ADGB: variants seen among roughly 807,000 people sequenced by gnomAD.
ADGB encodes calpain-7-like protein.
In ADGB, 172 loss-of-function variants were observed where a neutral mutation model predicts 210.5. The observed-to-expected ratio is 0.82, with a 90% CI of 0.72 to 0.93. The LOEUF (loss-of-function observed/expected upper bound fraction) is 0.93, where lower values mean the gene tolerates loss of function less well. Ranked by LOEUF, ADGB falls within the 40% of genes least tolerant of loss-of-function variation. The probability of loss-of-function intolerance (pLI) is 0.00; values close to 1 mark genes in which losing one functional copy is unlikely to be tolerated. For synonymous variants in ADGB, 658 were observed against 662.7 expected (o/e 0.99, Z 0.11); for missense variants, 2,025 against 1,964.8 (o/e 1.03, Z -0.58).
chr6:146,704,302 T>A lies in ADGB; in HGVS notation c.1707+3232T>A, dbSNP rs1010114574. ...CCTTTTCTGTGCAAAAAAAAAAAAA[T>A]TTAGTTTGATGTAATTCCTTCTGTC... is the stretch of plus-strand genomic sequence containing the variant. On this transcript the variant is annotated intron_variant, in intron 13 of 35. Coordinates refer to ENST00000397944, the MANE Select transcript of ADGB (RefSeq NM_024694.4). Among the ~76,000 whole-genome samples the A allele has an allele frequency of 2.6e-3, 400 of 151,216 alleles. 1 individual carries two copies. Among genetic ancestry groups the A allele is most frequent in the Non-Finnish European group, 3.6e-3 (242 of 67,620 alleles).
intron 7 of ADGB, among the ~76,000 whole-genome samples, chr6:146,669,645 T>C (rs1775979982): frequency 1.3e-5 from 2 of 152,072 alleles, no homozygotes; most frequent in Admixed American, 1.3e-4. Flanking sequence ...TATTTTCTGC[T>C]CTTTCTCAGG....
At chr6:146,599,191 T>A in intron 1 of ADGB, 77 bp downstream of exon 1, 1 of 1,332,368 alleles carries the variant, frequency 7.5e-7, no homozygotes, top group Non-Finnish European at 1.1e-6. Context: ...GCTGCCTCCC[T>A]GCAGCAAACT....
chr6:146,792,727 A>T (rs12528445), intron 33 of ADGB, among the ~76,000 whole-genome samples: 23,121 of 152,160 alleles, frequency 0.15, 2,216 homozygotes, highest in Admixed American at 0.28. Context: ...AGAAATAAGA[A>T]CAGGGAGGAA....
chr6:146,709,426 G>A (rs1482549310), intron 13 of ADGB, among the ~76,000 whole-genome samples: 1 of 152,174 alleles, frequency 6.6e-6, no homozygotes, highest in Non-Finnish European at 1.5e-5. Context: ...CCACAGGCAG[G>A]TTTGTTACTG....
rs1308355770 is a variant in ADGB at position 146,781,885 on chromosome 6, T to A, written c.3863-135T>A. The A allele has an allele frequency of 1.7e-4, 105 of 608,156 alleles. 1 individual carries two copies. The East Asian group carries it at 3.3e-3, about 19-fold the overall frequency. The allele number at this position is 608,156 out of a possible 1,614,324, so 37.7% of individuals were successfully genotyped here. On this transcript the variant is annotated intron_variant, in intron 29 of 35. Transcript: ENST00000397944. The stretch of plus-strand genomic sequence containing the variant: ...TGAAAACGAGTCCAACAGGCCTTTA[T>A]AAAAATCTGTGTGATTGAAAAAATA...
At chr6:146,769,560 C>G (rs1156444939) in intron 29 of ADGB, among the ~76,000 whole-genome samples, 1 of 152,044 alleles carries the variant, frequency 6.6e-6, no homozygotes, top group Non-Finnish European at 1.5e-5. Flanking sequence ...AAAGAGTACT[C>G]TGGTTTATTT....
intron 1 of ADGB, among the ~76,000 whole-genome samples, chr6:146,627,091 T>G (rs1780984170): frequency 1.3e-5 from 2 of 152,252 alleles, no homozygotes; most frequent in South Asian, 4.1e-4. Context: ...TTATCTTCCT[T>G]GTCTCTACTT....
In ADGB at chr6:146,659,324, T is replaced by C. The variant is rs1775824538; in HGVS notation, c.612+2344T>C. Among the ~76,000 whole-genome samples the C allele has an allele frequency of 2.0e-5, 3 of 152,334 alleles. No homozygotes were observed. In the South Asian group the frequency reaches 6.2e-4, roughly 32 times the overall value. ...CAGTACAATACACTACAGATTCATC[T>C]TATACCCTACATTTATTTTCTTTCC... On this transcript the variant is annotated intron_variant, in intron 5 of 35. Coordinates refer to ENST00000397944, the MANE Select transcript of ADGB (RefSeq NM_024694.4).
In ADGB at chr6:146,714,168, T is replaced by C. The variant is rs545291338; in HGVS notation, c.1708-1214T>C. On this transcript the variant is annotated intron_variant, in intron 13 of 35. Coordinates refer to ENST00000397944, the MANE Select transcript of ADGB (RefSeq NM_024694.4). ...GCCAGTACTTTGTTGTACATATATATTTAAGAAATTTAAGGCACCAAAGAG... is the reference window on the plus strand; with the variant it reads ...GCCAGTACTTTGTTGTACATATATACTTAAGAAATTTAAGGCACCAAAGAG... Among the ~76,000 whole-genome samples the C allele has an allele frequency of 7.9e-5, 12 of 152,324 alleles. No homozygotes were observed. The East Asian group carries it at 1.9e-3, about 25-fold the overall frequency.
intron 12 of ADGB, among the ~76,000 whole-genome samples, chr6:146,694,485 T>G (rs2114926145): frequency 6.6e-6 from 1 of 152,290 alleles, no homozygotes; most frequent in South Asian, 2.1e-4. Flanking sequence ...TACCATTATT[T>G]CAGGGTTTAG....
rs1316955109 is a variant in ADGB at position 146,788,370 on chromosome 6, T to C, written c.4316-19T>C. The stretch of plus-strand genomic sequence containing the variant: ...CATGGAACGCCAGCTTTTTCAGTAA[T>C]GCACATGTCATGTTGTAGTAGAAAC... On this transcript the variant is annotated intron_variant, in intron 32 of 35. Transcript: ENST00000397944. 1 of 1,547,704 alleles carries C rather than the reference T, an allele frequency of 6.5e-7. No individual in the cohort carries two copies. Among genetic ancestry groups the C allele is most frequent in the Non-Finnish European group, 8.7e-7 (1 of 1,143,392 alleles).
In ADGB at chr6:146,733,914, A is replaced by G; in HGVS notation, c.2678A>G (p.Tyr893Cys). The G allele has an allele frequency of 2.6e-6, 4 of 1,551,638 alleles. No individual in the cohort carries two copies. The highest frequency in any genetic ancestry group is 3.5e-6 in the Non-Finnish European group (4 of 1,146,944). Residue 893 changes from tyrosine (Y) to cysteine (C), a missense_variant, in exon 22 of 36, where the codon TAT (tyrosine) becomes TGT (cysteine). Transcript: ENST00000397944. ...CCAGTGGAATGGCTGGACGTTAAAT[A>G]TTGTATGCCCACAAGTGATAAAGAG... ...VSLVEWLDVK[Y>C]CMPTSDKEYS...
At chr6:146,755,593 T>C (rs1478980883) in intron 27 of ADGB, among the ~76,000 whole-genome samples, 1 of 152,114 alleles carries the variant, frequency 6.6e-6, no homozygotes, top group African/African-American at 2.4e-5. Flanking sequence ...CATGCGGAAC[T>C]GTGTGTTAAT....
chr6:146,772,958 T>C (rs191784172), intron 29 of ADGB, among the ~76,000 whole-genome samples: 11 of 152,260 alleles, frequency 7.2e-5, no homozygotes, highest in South Asian at 2.1e-4. Flanking sequence ...GAGCCAGTGC[T>C]GGACTCACAT....
At chr6:146,625,530 A>G (rs1023697449) in intron 1 of ADGB, among the ~76,000 whole-genome samples, 2 of 152,076 alleles carry the variant, frequency 1.3e-5, no homozygotes, top group Non-Finnish European at 2.9e-5. Context: ...TGTTTGGGTC[A>G]TGGGAGTGGG....
At chr6:146,713,837 A>G (rs1476366139) in intron 13 of ADGB, among the ~76,000 whole-genome samples, 1 of 152,032 alleles carries the variant, frequency 6.6e-6, no homozygotes, top group Non-Finnish European at 1.5e-5. Flanking sequence ...ATCCAGTGTC[A>G]TGAAGCTTCT....
chr6:146,663,253 C>T (rs1354125177), intron 5 of ADGB, among the ~76,000 whole-genome samples: 1 of 145,848 alleles, frequency 6.9e-6, no homozygotes, highest in Non-Finnish European at 1.5e-5. Flanking sequence ...AGTCTTGTAA[C>T]AACTAAGGCT....
chr6:146,784,118 A>G (rs1418160297), intron 30 of ADGB, among the ~76,000 whole-genome samples: 1 of 152,154 alleles, frequency 6.6e-6, no homozygotes, highest in Non-Finnish European at 1.5e-5. Flanking sequence ...ATCAAGATAT[A>G]AATTATAGAT....
chr6:146,761,428 G>A (rs960532602), intron 27 of ADGB, among the ~76,000 whole-genome samples: 1 of 151,956 alleles, frequency 6.6e-6, no homozygotes, highest in African/African-American at 2.4e-5. Context: ...TTTGGACTCT[G>A]GATCAGTTGA....
Sources: gnomAD v4.1 joint callset for allele counts (sites outside exome capture counted in the v4.1 genomes callset) on GRCh38, gnomAD v4.1.1 for gene constraint, MANE v1.5 for transcripts, NCBI Gene and HGNC (gene_info 2026-07-23, HGNC 2026-07-21) for gene names.